Variants in FAM227A observed in about 807,000 individuals in gnomAD.
The protein encoded by FAM227A is protein FAM227A.
A neutral mutation model predicts 74.7 loss-of-function variants in FAM227A; 80 were observed. The ratio of observed to expected loss-of-function variants is 1.07; its 90% CI spans 0.89 to 1.29. FAM227A has a LOEUF of 1.29. Ranked by LOEUF, FAM227A falls within the 50% of genes most tolerant of loss-of-function variation. The pLI is 0.00. For missense variants in FAM227A, 654 were observed against 683.4 expected (o/e 0.96, Z 0.48); for synonymous variants, 237 against 241.8 (o/e 0.98, Z 0.19).
At chr22:38,588,038 G>C (rs753557928) in intron 16 of FAM227A, among the ~76,000 whole-genome samples, 2 of 152,106 alleles carry the variant, frequency 1.3e-5, no homozygotes, top group Admixed American at 6.5e-5. Context: ...CAGAAAAATA[G>C]GAATAGGATG....
chr22:38,633,808 G>A (rs1291527438), intron 6 of FAM227A, among the ~76,000 whole-genome samples: 1 of 152,050 alleles, frequency 6.6e-6, no homozygotes, highest in Non-Finnish European at 1.5e-5. Context: ...CCAAAGTGCT[G>A]GGATTACAGG....
Position 38,584,730 on chromosome 22 carries a change from T to A in FAM227A, c.*1395A>T, listed in dbSNP as rs905320728. 6.6e-6 allele frequency: 1 copy of A among 152,218 alleles called. No individual in the cohort carries two copies. Among genetic ancestry groups the A allele is most frequent in the Non-Finnish European group, 1.5e-5 (1 of 68,052 alleles). 9.4% of individuals were successfully genotyped at this position (152,218 alleles called of 1,614,324 possible). On this transcript the variant is annotated 3_prime_UTR_variant, in exon 17 of 17. Transcript: ENST00000535113. Reference sequence around the variant, plus strand: ...TTGCAGTGAGCTATGACTGCGCCACTGCATTCCAGCCTGGACAACAGACTG... The same window carrying A: ...TTGCAGTGAGCTATGACTGCGCCACAGCATTCCAGCCTGGACAACAGACTG...
chr22:38,624,179 T>C (rs1346830823), intron 9 of FAM227A, among the ~76,000 whole-genome samples: 1 of 151,948 alleles, frequency 6.6e-6, no homozygotes, highest in Non-Finnish European at 1.5e-5. Context: ...CTGAGGCAGG[T>C]GGATCACCTG....
intron 16 of FAM227A, among the ~76,000 whole-genome samples, chr22:38,590,529 A>G (rs2090909503): frequency 6.6e-6 from 1 of 152,182 alleles, no homozygotes; most frequent in South Asian, 2.1e-4. Context: ...GAAAATATCA[A>G]GCTGTCAGGT....
At chr22:38,612,436 C>G (rs1181365090) in intron 11 of FAM227A, among the ~76,000 whole-genome samples, 1 of 152,100 alleles carries the variant, frequency 6.6e-6, no homozygotes, top group South Asian at 2.1e-4. Flanking sequence ...ACATGCTGTC[C>G]CTTCTTCCTG....
intron 13 of FAM227A, among the ~76,000 whole-genome samples, chr22:38,602,547 A>G (rs1431925222): frequency 1.3e-5 from 2 of 152,234 alleles, no homozygotes; most frequent in African/African-American, 4.8e-5. Context: ...AAAAATCTAC[A>G]CGACTCTAAG....
At chr22:38,613,294 ATC>A (rs1465323387) in intron 11 of FAM227A, among the ~76,000 whole-genome samples, 43 of 81,968 alleles carry the variant, frequency 5.2e-4, no homozygotes, top group South Asian at 1.8e-3. Flanking sequence ...TATAATATAT[ATC>A]ATATATAATA....
intron 10 of FAM227A, among the ~76,000 whole-genome samples, chr22:38,621,297 C>A (rs2091683890): frequency 6.7e-6 from 1 of 149,926 alleles, no homozygotes; most frequent in African/African-American, 2.5e-5. Flanking sequence ...TTGCTGTGAG[C>A]CGAGATCACG....
chr22:38,626,891 A>AAAAAAAAAATATATATAT (rs1555966996), intron 8 of FAM227A, among the ~76,000 whole-genome samples: 7 of 57,686 alleles, frequency 1.2e-4, no homozygotes, highest in Non-Finnish European at 2.1e-4. Flanking sequence ...AAAAAAAAAA[A>AAAAAAAAAATATATATAT]ATATATATAT....
chr22:38,635,757 C>T (rs995734353), intron 6 of FAM227A, among the ~76,000 whole-genome samples: 13 of 152,064 alleles, frequency 8.5e-5, no homozygotes, highest in African/African-American at 3.1e-4. Flanking sequence ...CTTTGGGAGG[C>T]CGAGGATGGG....
In FAM227A at chr22:38,627,698, G is replaced by A. The variant is rs115124606; in HGVS notation, c.726+540C>T. The stretch of plus-strand genomic sequence containing the variant: ...CGGTTCACTGCAACCTCCGCCTCCC[G>A]GGTTCATGTGAACCCTGCCTCAGCC... On this transcript the variant is annotated intron_variant, in intron 8 of 16. Transcript: ENST00000535113. Among the ~76,000 whole-genome samples, 1,474 of 152,028 alleles carry A rather than the reference G, an allele frequency of 9.7e-3. 31 individuals carry two copies. Among genetic ancestry groups the A allele is most frequent in the African/African-American group, 0.034 (1,425 of 41,482 alleles).
intron 15 of FAM227A, 144 bp downstream of exon 15, chr22:38,597,060 T>C (rs2091060964): frequency 1.4e-6 from 1 of 719,910 alleles, no homozygotes; most frequent in Non-Finnish European, 2.3e-6. Context: ...TAGGAGTTTA[T>C]AATCTGACCA....
At chr22:38,636,110 A>G (rs2092001444) in intron 6 of FAM227A, among the ~76,000 whole-genome samples, 1 of 150,272 alleles carries the variant, frequency 6.7e-6, no homozygotes, top group Non-Finnish European at 1.5e-5. Flanking sequence ...AAGGAAACAG[A>G]AAAGAAAAGA....
chr22:38,608,697 C>T (rs2146268516), intron 11 of FAM227A, among the ~76,000 whole-genome samples: 2 of 151,950 alleles, frequency 1.3e-5, no homozygotes, highest in Admixed American at 1.3e-4. Flanking sequence ...TCCCAAAGTG[C>T]TGGGATTACA....
At position 38,623,161 on chromosome 22, in the gene FAM227A, T is replaced by C. The variant is rs2091726885; in HGVS notation, c.958+11A>G. The C allele has an allele frequency of 6.5e-7, 1 of 1,536,596 alleles. No individual in the cohort carries two copies. Among genetic ancestry groups the C allele is most frequent in the Non-Finnish European group, 8.8e-7 (1 of 1,133,316 alleles). ...GGCAAAGAAGGCGGGAGGCTGTACC[T>C]GCTATCTTACCCTTTGTCAGTCTTC... On this transcript the variant is annotated intron_variant, in intron 10 of 16. Transcript: ENST00000535113.
chr22:38,645,206 A>G (rs1040584666), intron 3 of FAM227A, among the ~76,000 whole-genome samples: 14 of 151,844 alleles, frequency 9.2e-5, no homozygotes, highest in Non-Finnish European at 1.8e-4. Flanking sequence ...CCTGGCCAAC[A>G]TGGTGAAACC....
chr22:38,612,231 G>A (rs2146291191), intron 11 of FAM227A, among the ~76,000 whole-genome samples: 1 of 152,240 alleles, frequency 6.6e-6, no homozygotes, highest in African/African-American at 2.4e-5. Flanking sequence ...CATCCCTAAT[G>A]TAATGAATTA....
In FAM227A at chr22:38,614,594, T is replaced by G. The variant is rs2091537087; in HGVS notation, c.1038+5618A>C. ...CATTGAGCAGATGGGAAAACGTGTCTGCTCTTGATGAGAGAGGCTCTATCC... is the reference window on the plus strand; with the variant it reads ...CATTGAGCAGATGGGAAAACGTGTCGGCTCTTGATGAGAGAGGCTCTATCC... On this transcript the variant is annotated intron_variant, in intron 11 of 16. Coordinates refer to ENST00000535113, the MANE Select transcript of FAM227A (RefSeq NM_001013647.2). 2.0e-5 allele frequency among the ~76,000 whole-genome samples: 3 copies of G among 152,188 alleles called. No homozygotes were observed. In the South Asian group the frequency reaches 6.2e-4, roughly 32 times the overall value.
At chr22:38,639,114 A>ACACCTGGG in intron 4 of FAM227A, among the ~76,000 whole-genome samples, 1 of 152,066 alleles carries the variant, frequency 6.6e-6, no homozygotes, top group African/African-American at 2.4e-5. Context: ...AGGTGTTATA[A>ACACCTGGG]AAATTTAACA....
Sources: gnomAD v4.1 joint callset for allele counts (sites outside exome capture counted in the v4.1 genomes callset) on GRCh38, gnomAD v4.1.1 for gene constraint, MANE v1.5 for transcripts, NCBI Gene and HGNC (gene_info 2026-07-23, HGNC 2026-07-21) for gene names.